Variants in AGBL4 observed in about 807,000 individuals in gnomAD.
The protein encoded by AGBL4 is AGBL carboxypeptidase 4.
A neutral mutation model predicts 66.4 loss-of-function variants in AGBL4; 58 were observed. That is an observed-to-expected ratio of 0.87 (90% CI 0.71 to 1.09). The LOEUF is 1.09. AGBL4 is among the 50% of genes least tolerant of loss of function. The probability of loss-of-function intolerance (pLI) is 0.00; values close to 1 mark genes in which losing one functional copy is unlikely to be tolerated. For missense variants in AGBL4, 579 were observed against 631.0 expected (o/e 0.92, Z 0.88); for synonymous variants, 234 against 222.9 (o/e 1.05, Z -0.44).
intron 9 of AGBL4, among the ~76,000 whole-genome samples, chr1:48,593,153 T>C (rs1644943020): frequency 6.6e-6 from 1 of 152,188 alleles, no homozygotes; most frequent in African/African-American, 2.4e-5. Context: ...GCATATATCT[T>C]CCCAGAGACA....
rs769906284 is a variant in AGBL4 at position 49,592,485 on chromosome 1, G to A, written c.282+104828C>T. Among the ~76,000 whole-genome samples, 4 of 152,218 alleles carry A rather than the reference G, an allele frequency of 2.6e-5. No homozygotes were observed. The South Asian group carries it at 8.3e-4, about 32-fold the overall frequency. On this transcript the variant is annotated intron_variant, in intron 3 of 13. Coordinates refer to ENST00000371839, the MANE Select transcript of AGBL4 (RefSeq NM_032785.4). ...CTTGGGAGGCTGAGGCAGGAGAATC[G>A]CTTGAACCCGGAAGTGGAGTTTGCA...
chr1:48,524,149 T>G, the AGBL4 span, among the ~76,000 whole-genome samples: 2 of 152,102 alleles, frequency 1.3e-5, no homozygotes, highest in Non-Finnish European at 2.9e-5. Context: ...AGGCCCTCAG[T>G]GAGTGCTTCT....
intron 3 of AGBL4, among the ~76,000 whole-genome samples, chr1:49,469,357 G>A (rs1259847743): frequency 6.6e-6 from 1 of 151,482 alleles, no homozygotes; most frequent in African/African-American, 2.4e-5. Context: ...TGGGATTATG[G>A]TGTTTAGGAT....
chr1:49,317,619 T>G (rs1645063419), intron 3 of AGBL4, among the ~76,000 whole-genome samples: 1 of 151,848 alleles, frequency 6.6e-6, no homozygotes. Context: ...TCTGGACTTC[T>G]GTTCCTGTAA....
chr1:49,319,905 C>T (rs1645102197), intron 3 of AGBL4, among the ~76,000 whole-genome samples: 1 of 152,084 alleles, frequency 6.6e-6, no homozygotes, highest in Non-Finnish European at 1.5e-5. Context: ...CCTCTTAATA[C>T]TGTTACTGTG....
At chr1:49,700,947 T>C (rs1451347150) in intron 2 of AGBL4, among the ~76,000 whole-genome samples, 2 of 152,172 alleles carry the variant, frequency 1.3e-5, no homozygotes, top group Non-Finnish European at 2.9e-5. Flanking sequence ...AAAAATTATC[T>C]GAATGTACCC....
intron 1 of AGBL4, among the ~76,000 whole-genome samples, chr1:49,875,557 T>C (rs1228153835): frequency 1.4e-5 from 2 of 147,934 alleles, no homozygotes; most frequent in East Asian, 4.0e-4. Context: ...AGTCTATCAT[T>C]GTTGGACATT....
chr1:49,468,188 G>A (rs534434490), intron 3 of AGBL4, among the ~76,000 whole-genome samples: 2 of 151,720 alleles, frequency 1.3e-5, no homozygotes, highest in Non-Finnish European at 2.9e-5. Flanking sequence ...AAGGATTTTG[G>A]TACACATAAG....
intron 1 of AGBL4, among the ~76,000 whole-genome samples, chr1:49,880,113 C>G (rs1049467428): frequency 6.6e-6 from 1 of 151,896 alleles, no homozygotes; most frequent in Non-Finnish European, 1.5e-5. Context: ...TGAATGTCCT[C>G]CCGTAGCTCA....
intron 9 of AGBL4, among the ~76,000 whole-genome samples, chr1:48,610,403 C>T (rs1645219620): frequency 6.6e-6 from 1 of 152,140 alleles, no homozygotes; most frequent in African/African-American, 2.4e-5. Flanking sequence ...TACAGTCATA[C>T]CACAGAATCA....
chr1:48,539,984 T>C (rs1644038594), intron 11 of AGBL4, among the ~76,000 whole-genome samples: 2 of 152,034 alleles, frequency 1.3e-5, no homozygotes. Flanking sequence ...GTCACAAAAC[T>C]GGGAAAAGGA....
intron 1 of AGBL4, among the ~76,000 whole-genome samples, chr1:49,991,705 A>G (rs556268742): frequency 1.3e-5 from 2 of 152,270 alleles, no homozygotes; most frequent in South Asian, 4.2e-4. Context: ...CAACAAAACT[A>G]TGTCCTCCTT....
chr1:49,515,694 A>T (rs1278063876), intron 3 of AGBL4, among the ~76,000 whole-genome samples: 1 of 151,822 alleles, frequency 6.6e-6, no homozygotes, highest in African/African-American at 2.4e-5. Flanking sequence ...TACACCATGG[A>T]ATACTATGCA....
intron 2 of AGBL4, among the ~76,000 whole-genome samples, chr1:49,757,237 C>T (rs1439916883): frequency 1.3e-5 from 2 of 152,182 alleles, no homozygotes; most frequent in South Asian, 2.1e-4. Flanking sequence ...TTTTTTGAGG[C>T]TTCCCAGCCA....
chr1:49,593,835 C>A (rs1164606656), intron 3 of AGBL4, among the ~76,000 whole-genome samples: 3 of 151,814 alleles, frequency 2.0e-5, no homozygotes, highest in Non-Finnish European at 2.9e-5. Context: ...TATTATTATT[C>A]TCTACAAAAT....
chr1:49,846,272 C>T, intron 2 of AGBL4: 2 of 1,487,306 alleles, frequency 1.3e-6, no homozygotes, highest in Non-Finnish European at 1.9e-6. Flanking sequence ...GTCCTTTAGG[C>T]AGAGCACCCA....
intron 3 of AGBL4, among the ~76,000 whole-genome samples, chr1:49,474,578 T>C (rs981911172): frequency 6.6e-6 from 1 of 151,960 alleles, no homozygotes; most frequent in African/African-American, 2.4e-5. Flanking sequence ...ATTCTTGACT[T>C]GGTTCTCAGC....
chr1:49,398,580 C>A (rs540926141), intron 3 of AGBL4, among the ~76,000 whole-genome samples: 1 of 152,110 alleles, frequency 6.6e-6, no homozygotes, highest in African/African-American at 2.4e-5. Flanking sequence ...TTATACATAT[C>A]CTACTGGTTG....
chr1:49,297,637 T>C (rs1644667395), intron 3 of AGBL4, among the ~76,000 whole-genome samples: 1 of 152,144 alleles, frequency 6.6e-6, no homozygotes. Flanking sequence ...AATTTGATTC[T>C]TGGAATGGAA....
Sources: gnomAD v4.1 joint callset for allele counts (sites outside exome capture counted in the v4.1 genomes callset) on GRCh38, gnomAD v4.1.1 for gene constraint, MANE v1.5 for transcripts, NCBI Gene and HGNC (gene_info 2026-07-23, HGNC 2026-07-21) for gene names.